Variants in PNPLA7 observed in about 807,000 individuals in gnomAD.
PNPLA7 encodes the protein patatin-like phospholipase domain-containing protein 7.
A neutral mutation model predicts 161.7 loss-of-function variants in PNPLA7; 153 were observed. The observed-to-expected ratio is 0.95, with a 90% CI of 0.83 to 1.08. The LOEUF (loss-of-function observed/expected upper bound fraction) is 1.08, where lower values mean the gene tolerates loss of function less well. Among genes scored for constraint, PNPLA7 ranks in the 50% least tolerant of loss-of-function variants. PNPLA7 has a pLI of 0.00. For synonymous variants in PNPLA7, 809 were observed against 782.1 expected, an observed-to-expected ratio of 1.03 and a Z score of -0.57; for missense variants, 1,739 against 1,856.6, an observed-to-expected ratio of 0.94 and a Z score of 1.16.
intron 23 of PNPLA7, chr9:137,479,569 A>G: frequency 3.8e-6 from 4 of 1,062,404 alleles, no homozygotes; most frequent in Non-Finnish European, 4.5e-6. Flanking sequence ...GAGCATCACT[A>G]GCTGCAGAAC....
chr9:137,464,098 G>A lies in PNPLA7; in HGVS notation c.3226+28C>T, dbSNP rs375838271. On this transcript the variant is annotated intron_variant, in intron 28 of 34. Coordinates refer to ENST00000406427, the MANE Select transcript of PNPLA7 (RefSeq NM_001098537.3). ...CCCTGCCCACACCTCGCACCCAAGC[G>A]GCCGCCCTGCGCAGCAGGAGTGCTC... The A allele has an allele frequency of 3.0e-5, 49 of 1,609,532 alleles. 1 individual carries two copies. The Middle Eastern group carries it at 1.0e-3, about 34-fold the overall frequency.
intron 12 of PNPLA7, among the ~76,000 whole-genome samples, chr9:137,510,784 G>A (rs754795277): frequency 1.1e-4 from 16 of 152,238 alleles, no homozygotes; most frequent in Non-Finnish European, 2.4e-4. Flanking sequence ...GTCAGTGCCT[G>A]AAACGCCACC....
intron 12 of PNPLA7, among the ~76,000 whole-genome samples, chr9:137,510,769 C>T (rs1834181030): frequency 6.6e-6 from 1 of 152,214 alleles, no homozygotes; most frequent in Admixed American, 6.5e-5. Context: ...CTGGTCCCTA[C>T]AGGTGTCAGT....
intron 21 of PNPLA7, among the ~76,000 whole-genome samples, chr9:137,482,847 T>C (rs1832288431): frequency 6.6e-6 from 1 of 152,250 alleles, no homozygotes. Flanking sequence ...TCCGATCCTA[T>C]AATTATTTCA....
intron 14 of PNPLA7, among the ~76,000 whole-genome samples, chr9:137,504,115 A>G (rs1247009789): frequency 6.8e-6 from 1 of 147,972 alleles, no homozygotes; most frequent in African/African-American, 2.5e-5. Context: ...GAAAGAAAGA[A>G]GAAGAAGAAA....
At chr9:137,508,554 C>T (rs985555878) in intron 12 of PNPLA7, among the ~76,000 whole-genome samples, 4 of 150,248 alleles carry the variant, frequency 2.7e-5, no homozygotes, top group African/African-American at 7.4e-5. Context: ...GCAACAAGAG[C>T]GAGACTCTGT....
chr9:137,528,242 G>A (rs1389197805), intron 8 of PNPLA7, among the ~76,000 whole-genome samples: 1 of 152,084 alleles, frequency 6.6e-6, no homozygotes, highest in East Asian at 1.9e-4. Flanking sequence ...CAATCTCATG[G>A]ATTCCTGCTC....
rs781378534 is a variant in PNPLA7, at chr9:137,467,523, G to A, written c.2883-50C>T. 4 of 1,595,680 alleles carry A rather than the reference G, an allele frequency of 2.5e-6. No homozygotes were observed. Among genetic ancestry groups the A allele is most frequent in the East Asian group, 2.2e-5 (1 of 44,694 alleles). ...AAGGAGTGAGTACCAGGCCCAGGCTGCGCCCTGCAGAGGCCTTGTGCTCAT... is the reference window on the plus strand; with the variant it reads ...AAGGAGTGAGTACCAGGCCCAGGCTACGCCCTGCAGAGGCCTTGTGCTCAT... On this transcript the variant is annotated intron_variant, in intron 25 of 34. Transcript: ENST00000406427. The surrounding 1 kb of genome is among the most constrained non-coding windows in gnomAD (Gnocchi z 5.1).
chr9:137,466,314 G>A (rs1025137477), intron 26 of PNPLA7, among the ~76,000 whole-genome samples: 1 of 151,834 alleles, frequency 6.6e-6, no homozygotes, highest in African/African-American at 2.4e-5. Flanking sequence ...TCTCAGACCC[G>A]GGCACGGATC....
Position 137,495,047 on chromosome 9 carries a change from G to A in PNPLA7, c.2113C>T (p.Arg705Cys), listed in dbSNP as rs749612969. The change falls in exon 19 of 35, where the codon CGC becomes TGC. Residue 705 changes from arginine to cysteine, a missense_variant. Physicochemically the swap from Arg to Cys is radical, Grantham distance 180 (BLOSUM62 -3). Around this residue, in one of 6 missense-constraint regions of PNPLA7, gnomAD observed 192 missense variants for 249.5 expected, o/e 0.77. Coordinates refer to ENST00000406427, the MANE Select transcript of PNPLA7 (RefSeq NM_001098537.3). ...GCCATGCTCACCTGTGGGTACCTGC[G>A]CTTGATGGACGTGAGGGCTCCTGCC... ...LPAGALTSIK[R>C]RYPQVVTRLI... 15 of 1,609,992 alleles carry A rather than the reference G, an allele frequency of 9.3e-6. No individual in the cohort carries two copies. The highest frequency in any genetic ancestry group is 2.7e-5 in the African/African-American group (2 of 74,918).
In PNPLA7 at chr9:137,499,141, C is replaced by A. The variant is rs1230930895; in HGVS notation, c.1758-896G>T. ...GCAGACACACAGACACACACAGACA[C>A]ACGGAGACAGAGACACTCGCAGACA... is the stretch of plus-strand genomic sequence containing the variant. On this transcript the variant is annotated intron_variant, in intron 16 of 34. Coordinates refer to ENST00000406427, the MANE Select transcript of PNPLA7 (RefSeq NM_001098537.3). The surrounding 1 kb of genome is among the most constrained non-coding windows in gnomAD (Gnocchi z 5.5). Among the ~76,000 whole-genome samples the A allele has an allele frequency of 6.6e-6, 1 of 151,846 alleles. No individual in the cohort carries two copies. The highest frequency in any genetic ancestry group is 1.5e-5 in the Non-Finnish European group (1 of 67,938).
chr9:137,549,698 T>C (rs576031799), intron 1 of PNPLA7, among the ~76,000 whole-genome samples: 4 of 151,944 alleles, frequency 2.6e-5, no homozygotes, highest in Admixed American at 1.3e-4. Flanking sequence ...TGAGGCAGAA[T>C]TGCCTGAACC....
intron 17 of PNPLA7, 66 bp downstream of exon 17, chr9:137,498,048 G>C (rs1233790061): frequency 6.4e-7 from 1 of 1,574,582 alleles, no homozygotes; most frequent in East Asian, 2.3e-5. Context: ...ACCGTGCTTT[G>C]CCCATCCCCA....
intron 14 of PNPLA7, among the ~76,000 whole-genome samples, chr9:137,502,579 G>A: frequency 7.0e-6 from 1 of 142,534 alleles, no homozygotes. Flanking sequence ...TCGCCCCAGG[G>A]CGCGTTGTCA....
intron 9 of PNPLA7, among the ~76,000 whole-genome samples, chr9:137,522,455 G>C (rs573153695): frequency 2.4e-4 from 37 of 152,342 alleles, no homozygotes; most frequent in African/African-American, 8.9e-4. Context: ...CTCCCACAGT[G>C]CTGGGGTTAC....
At position 137,480,383 on chromosome 9, in the gene PNPLA7, G is replaced by A; in HGVS notation, c.2509C>T (p.Gln837Ter). 1 of 1,613,586 alleles carries A rather than the reference G, an allele frequency of 6.2e-7. No individual in the cohort carries two copies. Among genetic ancestry groups the A allele is most frequent in the South Asian group, 1.1e-5 (1 of 91,064 alleles). ...CAGTCGGCCTGGCGCACGCAGCGCTGGGTCCAGGGTGTGAGCGTGCCATCT... is the reference window on the plus strand; with the variant it reads ...CAGTCGGCCTGGCGCACGCAGCGCTAGGTCCAGGGTGTGAGCGTGCCATCT... ...QADGTLTPWTQRCVRQADCIL... is the reference protein window; with the variant it reads ...QADGTLTPWT The change falls in exon 23 of 35, where the codon CAG (glutamine) becomes TAG (stop). Residue 837 changes from glutamine (Q) to a stop codon, truncating the protein, a stop_gained. Transcript: ENST00000406427. LOFTEE classifies it high-confidence loss of function.
At position 137,515,395 on chromosome 9, in the gene PNPLA7, G is replaced by C; in HGVS notation, c.1209C>G (p.Asp403Glu). The C allele has an allele frequency of 6.2e-7, 1 of 1,604,900 alleles. No homozygotes were observed. Residue 403 changes from aspartate (D) to glutamate (E), a missense_variant, in exon 12 of 35, where the codon GAC becomes GAG. Asp to Glu is a conservative substitution (Grantham distance 45, BLOSUM62 2). This residue lies in a region of PNPLA7 where 481 missense variants were observed against 450.0 expected (regional missense o/e 1.07). Transcript: ENST00000406427. ...GTTCTTTACCTTGTGGGGCCGAAGGGTCAGGGTCACCTGCCCCGGGCTTCT... is the reference window on the plus strand; with the variant it reads ...GTTCTTTACCTTGTGGGGCCGAAGGCTCAGGGTCACCTGCCCCGGGCTTCT... ...ELEKPGAGDPDPSAPQGGPGS... is the reference protein window; with the variant it reads ...ELEKPGAGDPEPSAPQGGPGS...
In PNPLA7 at chr9:137,537,351, C is replaced by G. The variant is rs1256292491; in HGVS notation, c.747+3291G>C. Among the ~76,000 whole-genome samples, 1 of 151,896 alleles carries G rather than the reference C, an allele frequency of 6.6e-6. No individual in the cohort carries two copies. Among genetic ancestry groups the G allele is most frequent in the Non-Finnish European group, 1.5e-5 (1 of 67,980 alleles). On this transcript the variant is annotated intron_variant, in intron 8 of 34. Transcript: ENST00000406427. The surrounding 1 kb of genome is among the most constrained non-coding windows in gnomAD (Gnocchi z 4.5). ...TTTTTGAGACAGAGTTGGAGTGTCA[C>G]TCTGTCACCAGGCTGGAGTGCAGTG...
At chr9:137,478,332 GC>G (rs2132131545) in intron 24 of PNPLA7, 180 bp from the exon 25 acceptor site, 1 of 433,550 alleles carries the variant, frequency 2.3e-6, no homozygotes, top group East Asian at 3.6e-5. Flanking sequence ...CCCGGACCGG[GC>G]CCCAGAGACA....
Sources: allele counts gnomAD v4.1 joint callset (sites outside exome capture counted in the v4.1 genomes callset), GRCh38; gene constraint gnomAD v4.1.1; regional missense constraint gnomAD v4.1.1; non-coding constraint Gnocchi (gnomAD v3.1); transcripts MANE v1.5; gene names NCBI Gene and HGNC (gene_info 2026-07-23, HGNC 2026-07-21).